Variants in PGBD2 observed in about 807,000 individuals in gnomAD.
PGBD2 encodes piggyBac transposable element derived 2.
PGBD2 carries 6 observed loss-of-function variants against 8.1 expected under a neutral mutation model. That is an observed-to-expected ratio of 0.74 (90% confidence interval 0.40 to 1.46). The LOEUF (loss-of-function observed/expected upper bound fraction) is 1.46, where lower values mean the gene tolerates loss of function less well. Among genes scored for constraint, PGBD2 ranks in the 40% most tolerant of loss-of-function variants. PGBD2 has a pLI of 0.02. For synonymous variants in PGBD2, 318 were observed against 272.2 expected (o/e 1.17, Z -1.66); for missense variants, 802 against 739.0 (o/e 1.09, Z -0.99).
chr1:248,918,797 T>C lies in PGBD2; in HGVS notation c.*434T>C, dbSNP rs1662213966. On this transcript the variant is annotated 3_prime_UTR_variant, in exon 3 of 3. Coordinates refer to ENST00000329291, the MANE Select transcript of PGBD2 (RefSeq NM_170725.3). ...GGATTTCTTAATCATATTTATTTCATATTAATCCAAGTTTATCAAACTTTT... is the reference window on the plus strand; with the variant it reads ...GGATTTCTTAATCATATTTATTTCACATTAATCCAAGTTTATCAAACTTTT... The C allele has an allele frequency of 6.0e-6, 1 of 167,084 alleles. No individual in the cohort carries two copies. Among genetic ancestry groups the C allele is most frequent in the African/African-American group, 2.4e-5 (1 of 41,450 alleles). The allele number at this position is 167,084 out of a possible 1,614,324, so 10.4% of individuals were successfully genotyped here.
chr1:248,924,082 G>A (rs12066487), downstream of PGBD2, among the ~76,000 whole-genome samples: 8,839 of 152,256 alleles, frequency 0.058, 403 homozygotes, highest in African/African-American at 0.13. Flanking sequence ...CCAATGGGAC[G>A]GCGTGTGGGA....
intron 2 of PGBD2, among the ~76,000 whole-genome samples, chr1:248,915,269 A>G (rs1354518094): frequency 6.6e-6 from 1 of 152,230 alleles, no homozygotes; most frequent in Non-Finnish European, 1.5e-5. Context: ...TCTGTGCTCA[A>G]ATGCAAGTAC....
At chr1:248,913,922 T>C (rs1435870462) in intron 2 of PGBD2, 43 bp downstream of exon 2, 4 of 1,560,534 alleles carry the variant, frequency 2.6e-6, no homozygotes, top group Non-Finnish European at 3.5e-6. Context: ...AAGAATTTAT[T>C]CCCCTATGCT....
Position 248,919,008 on chromosome 1 carries a change from T to TA in PGBD2, c.*646dup, listed in dbSNP as rs1662224415. The TA allele has an allele frequency of 2.4e-5, 4 of 167,096 alleles. No homozygotes were observed. In the Admixed American group the frequency reaches 2.6e-4, roughly 11 times the overall value. 10.4% of individuals were successfully genotyped at this position (167,096 alleles called of 1,614,324 possible). ...TTATGGGTTACATGAGATATTCTGA[T>TA]ACAAACATGCAATGTATAAAAATCA... On this transcript the variant is annotated 3_prime_UTR_variant, in exon 3 of 3. Transcript: ENST00000329291.
chr1:248,874,259 C>G, the PGBD2 span, among the ~76,000 whole-genome samples: 17 of 152,240 alleles, frequency 1.1e-4, no homozygotes, highest in African/African-American at 2.9e-4. Context: ...CCCTGGTGGT[C>G]TAGTGGTTAG....
In PGBD2 at chr1:248,916,707, G is replaced by T; in HGVS notation, c.123G>T (p.Glu41Asp). 1 of 1,614,184 alleles carries T rather than the reference G, an allele frequency of 6.2e-7. No homozygotes were observed. The highest frequency in any genetic ancestry group is 1.7e-5 in the Admixed American group (1 of 60,022). ...EEEESNNNRE[E>D]IFIAPPDNAA... ...AAGAGTCCAACAACAACAGGGAAGA[G>T]ATTTTCATTGCACCTCCCGACAATG... is the stretch of plus-strand genomic sequence containing the variant. The change falls in exon 3 of 3, where the codon GAG becomes GAT. Residue 41 changes from glutamate to aspartate, a missense_variant. Coordinates refer to ENST00000329291, the MANE Select transcript of PGBD2 (RefSeq NM_170725.3).
At chr1:248,904,556 A>T (rs1457790486), upstream of PGBD2, among the ~76,000 whole-genome samples, 1 of 151,832 alleles carries the variant, frequency 6.6e-6, no homozygotes, top group Non-Finnish European at 1.5e-5. Flanking sequence ...GCACCTTATT[A>T]CTCCTTGTTG....
At chr1:248,926,645 C>G in the PGBD2 span, among the ~76,000 whole-genome samples, 1 of 152,196 alleles carries the variant, frequency 6.6e-6, no homozygotes, top group African/African-American at 2.4e-5. Flanking sequence ...AACCACAACT[C>G]TCTTCTCATT....
the PGBD2 span, among the ~76,000 whole-genome samples, chr1:248,929,085 T>C: frequency 6.6e-6 from 1 of 152,222 alleles, no homozygotes; most frequent in African/African-American, 2.4e-5. Flanking sequence ...TGGAATTCAT[T>C]TATTTGTAAT....
At chr1:248,929,169 CAATT>C in the PGBD2 span, among the ~76,000 whole-genome samples, 1 of 152,000 alleles carries the variant, frequency 6.6e-6, no homozygotes, top group Non-Finnish European at 1.5e-5. Context: ...GCTTATTGCC[CAATT>C]AATTGTAGCC....
the PGBD2 span, among the ~76,000 whole-genome samples, chr1:248,881,730 C>T: frequency 3.9e-5 from 6 of 152,244 alleles, no homozygotes; most frequent in East Asian, 9.6e-4. Context: ...TTTGAAATGA[C>T]AATTGTAATA....
intron 1 of PGBD2, among the ~76,000 whole-genome samples, chr1:248,913,501 G>A (rs1307531730): frequency 6.6e-6 from 1 of 152,092 alleles, no homozygotes; most frequent in Non-Finnish European, 1.5e-5. Context: ...ATCGTGCAGC[G>A]GGATGTTCTA....
At chr1:248,892,273 CCCTTCCTTCCTT>C in the PGBD2 span, among the ~76,000 whole-genome samples, 187 of 127,366 alleles carry the variant, frequency 1.5e-3, 2 homozygotes, top group African/African-American at 5.2e-3. Flanking sequence ...CTCCCTCCCT[CCCTTCCTTCCTT>C]CCTTCCTTCC....
chr1:248,909,110 C>T (rs1661770780), intron 1 of PGBD2, among the ~76,000 whole-genome samples: 1 of 152,268 alleles, frequency 6.6e-6, no homozygotes, highest in Middle Eastern at 3.4e-3. Context: ...TCTATCTAGA[C>T]ATTATTCCCT....
the PGBD2 span, among the ~76,000 whole-genome samples, chr1:248,892,826 A>G: frequency 4.6e-5 from 7 of 152,176 alleles, no homozygotes; most frequent in Non-Finnish European, 8.8e-5. Context: ...GATGGGTTGG[A>G]GACTCAGGCT....
chr1:248,910,832 T>G (rs1290625292), intron 1 of PGBD2, among the ~76,000 whole-genome samples: 2 of 148,206 alleles, frequency 1.3e-5, no homozygotes, highest in Admixed American at 6.7e-5. Context: ...GAGGAATTTG[T>G]TTTTTTTTTA....
rs1661979161 is a variant in PGBD2, at chr1:248,913,378, T to C, written c.-47-438T>C. ...TCTGCAGCTTTGTTTCATTAAGTGT[T>C]GTTTTCAGGATCTGTCTGCTGTCTA... On this transcript the variant is annotated intron_variant, in intron 1 of 2. Coordinates refer to ENST00000329291, the MANE Select transcript of PGBD2 (RefSeq NM_170725.3). Among the ~76,000 whole-genome samples, 3 of 152,240 alleles carry C rather than the reference T, an allele frequency of 2.0e-5. No homozygotes were observed. In the South Asian group the frequency reaches 6.2e-4, roughly 32 times the overall value.
chr1:248,927,568 A>C, the PGBD2 span, among the ~76,000 whole-genome samples: 1 of 152,218 alleles, frequency 6.6e-6, no homozygotes, highest in African/African-American at 2.4e-5. Flanking sequence ...ATACCATGAA[A>C]GTAGCCAGAG....
the PGBD2 span, among the ~76,000 whole-genome samples, chr1:248,927,330 TAAG>T: frequency 5.9e-5 from 9 of 151,406 alleles, no homozygotes; most frequent in African/African-American, 9.7e-5. Flanking sequence ...AGAAGGAAAA[TAAG>T]GAGGAGGAGC....
Sources: gnomAD v4.1 joint callset for allele counts (sites outside exome capture counted in the v4.1 genomes callset) on GRCh38, gnomAD v4.1.1 for gene constraint, MANE v1.5 for transcripts, NCBI Gene and HGNC (gene_info 2026-07-23, HGNC 2026-07-21) for gene names.